Variants in GABRG3 observed in about 807,000 individuals in gnomAD.
GABRG3 encodes the protein gamma-aminobutyric acid type A receptor subunit gamma3.
GABRG3 carries 25 observed loss-of-function variants against 48.8 expected under a neutral mutation model. The ratio of observed to expected loss-of-function variants is 0.51; its 90% CI spans 0.37 to 0.72. The LOEUF (loss-of-function observed/expected upper bound fraction) is 0.72, where lower values mean the gene tolerates loss of function less well. GABRG3 is among the 30% of genes least tolerant of loss of function. The probability of loss-of-function intolerance (pLI) is 0.00; values close to 1 mark genes in which losing one functional copy is unlikely to be tolerated. For missense variants in GABRG3, 394 were observed against 577.9 expected (o/e 0.68, Z 3.26); for synonymous variants, 227 against 217.6 (o/e 1.04, Z -0.38).
At chr15:27,307,483 T>TTATATATTTATATATAATCA (rs1566771345) in intron 3 of GABRG3, among the ~76,000 whole-genome samples, 1 of 28,490 alleles carries the variant, frequency 3.5e-5, no homozygotes, top group East Asian at 3.9e-4. Context: ...AAACATAGGT[T>TTATATATTTATATATAATCA]TATAGGTTTA....
At chr15:27,203,291 G>T (rs560181373) in intron 3 of GABRG3, among the ~76,000 whole-genome samples, 1 of 152,096 alleles carries the variant, frequency 6.6e-6, no homozygotes, top group Non-Finnish European at 1.5e-5. Context: ...GTGATAACAC[G>T]CAGTATTTAG....
chr15:27,527,826 G>A (rs1031740749), intron 8 of GABRG3, 107 bp from the exon 9 acceptor site: 3 of 1,012,320 alleles, frequency 3.0e-6, no homozygotes, highest in South Asian at 1.5e-5. Flanking sequence ...GTCACCTACC[G>A]GTGACGTGGC....
In GABRG3 at chr15:27,314,236, T is replaced by G. The variant is rs575616476; in HGVS notation, c.271-12573T>G. ...ACACATACAATATTAATAAACTGGT[T>G]GAAAAATGGACTAAAGACTTGACTA... On this transcript the variant is annotated intron_variant, in intron 3 of 9. Coordinates refer to ENST00000615808, the MANE Select transcript of GABRG3 (RefSeq NM_033223.5). Among the ~76,000 whole-genome samples, 31 of 152,236 alleles carry G rather than the reference T, an allele frequency of 2.0e-4. No homozygotes were observed. In the South Asian group the frequency reaches 6.0e-3, roughly 29 times the overall value.
At chr15:27,277,144 G>A (rs1891282908) in intron 3 of GABRG3, among the ~76,000 whole-genome samples, 1 of 152,358 alleles carries the variant, frequency 6.6e-6, no homozygotes, top group Admixed American at 6.5e-5. Context: ...TTGGTGATGA[G>A]GGCAGGTCCA....
In GABRG3 at chr15:27,504,884, A is replaced by G. The variant is rs74005014; in HGVS notation, c.713-15088A>G. On this transcript the variant is annotated intron_variant, in intron 6 of 9. Coordinates refer to ENST00000615808, the MANE Select transcript of GABRG3 (RefSeq NM_033223.5). ...TTTTTAAAAATTTCTCCTTTGAAAT[A>G]ATTTTTGATTTACAAGAGAATTTAT... 3.4e-3 allele frequency among the ~76,000 whole-genome samples: 516 copies of G among 152,288 alleles called. 6 individuals carry two copies. Among genetic ancestry groups the G allele is most frequent in the African/African-American group, 0.012 (507 of 41,564 alleles).
At chr15:27,395,967 C>T (rs2140581360) in intron 5 of GABRG3, among the ~76,000 whole-genome samples, 1 of 152,098 alleles carries the variant, frequency 6.6e-6, no homozygotes, top group East Asian at 1.9e-4. Flanking sequence ...CTCAAGGGAT[C>T]CTCCCACCTC....
intron 3 of GABRG3, among the ~76,000 whole-genome samples, chr15:27,140,790 ATTTTC>A (rs752818574): frequency 1.3e-5 from 2 of 151,710 alleles, no homozygotes; most frequent in African/African-American, 2.4e-5. Flanking sequence ...TTATTTTAAT[ATTTTC>A]TTCTGCGCTG....
chr15:27,421,107 C>T (rs2140610937), intron 5 of GABRG3, among the ~76,000 whole-genome samples: 1 of 152,264 alleles, frequency 6.6e-6, no homozygotes, highest in East Asian at 1.9e-4. Context: ...GACTGGTTTC[C>T]CTGGATACTG....
intron 3 of GABRG3, among the ~76,000 whole-genome samples, chr15:27,193,747 G>T (rs1410609451): frequency 1.3e-5 from 2 of 152,140 alleles, no homozygotes; most frequent in Non-Finnish European, 2.9e-5. Flanking sequence ...CCACTGTCTG[G>T]CACTCCCTAG....
chr15:27,079,337 G>A (rs1329282608), intron 3 of GABRG3, among the ~76,000 whole-genome samples: 1 of 152,152 alleles, frequency 6.6e-6, no homozygotes, highest in Non-Finnish European at 1.5e-5. Flanking sequence ...CAATATTGAG[G>A]AACTTTTGGA....
chr15:27,136,977 A>T (rs1898019724), intron 3 of GABRG3, among the ~76,000 whole-genome samples: 1 of 152,080 alleles, frequency 6.6e-6, no homozygotes, highest in African/African-American at 2.4e-5. Context: ...CCTGACGCCC[A>T]CCAGGATGGA....
At chr15:27,525,128 A>G (rs1171943379) in intron 7 of GABRG3, among the ~76,000 whole-genome samples, 3 of 152,184 alleles carry the variant, frequency 2.0e-5, no homozygotes, top group African/African-American at 7.2e-5. Context: ...AGGAAAGAAC[A>G]AACTATCGAT....
chr15:27,295,707 A>G (rs892092527), intron 3 of GABRG3, among the ~76,000 whole-genome samples: 2 of 152,174 alleles, frequency 1.3e-5, no homozygotes, highest in African/African-American at 2.4e-5. Context: ...TTAGAGTGCA[A>G]GCCCCTCCCA....
chr15:27,228,557 T>G (rs1482446920), intron 3 of GABRG3, among the ~76,000 whole-genome samples: 1 of 152,198 alleles, frequency 6.6e-6, no homozygotes, highest in Admixed American at 6.5e-5. Flanking sequence ...GTGGAATGAT[T>G]TATATTCCTC....
intron 5 of GABRG3, among the ~76,000 whole-genome samples, chr15:27,335,660 G>A (rs1893939468): frequency 6.6e-6 from 1 of 152,118 alleles, no homozygotes; most frequent in Non-Finnish European, 1.5e-5. Context: ...GAGTGGAGGG[G>A]ACCAGGGAGT....
At chr15:27,441,353 C>T (rs139963937) in intron 5 of GABRG3, among the ~76,000 whole-genome samples, 1 of 152,244 alleles carries the variant, frequency 6.6e-6, no homozygotes, top group African/African-American at 2.4e-5. Flanking sequence ...AACCACGTGG[C>T]AGGTATTTTA....
At chr15:27,117,519 C>A (rs1205004870) in intron 3 of GABRG3, among the ~76,000 whole-genome samples, 1 of 152,124 alleles carries the variant, frequency 6.6e-6, no homozygotes, top group Non-Finnish European at 1.5e-5. Context: ...ATGAGGAGCA[C>A]TTGAATTGAA....
At chr15:27,278,056 A>AT (rs11367885) in intron 3 of GABRG3, among the ~76,000 whole-genome samples, 5,274 of 144,344 alleles carry the variant, frequency 0.037, 266 homozygotes, top group African/African-American at 0.12. Context: ...AGCTCGATGC[A>AT]TTTTTTTTTT....
At chr15:27,318,311 G>A (rs1040916618) in intron 3 of GABRG3, among the ~76,000 whole-genome samples, 5 of 152,240 alleles carry the variant, frequency 3.3e-5, no homozygotes, top group African/African-American at 1.2e-4. Flanking sequence ...AAGGCCTTGT[G>A]TAAAACTATG....
Sources: gnomAD v4.1 joint callset for allele counts (sites outside exome capture counted in the v4.1 genomes callset) on GRCh38, gnomAD v4.1.1 for gene constraint, MANE v1.5 for transcripts, NCBI Gene and HGNC (gene_info 2026-07-23, HGNC 2026-07-21) for gene names.